CACNA2D3: variants seen among roughly 807,000 people sequenced by gnomAD.
CACNA2D3 encodes the protein voltage-dependent calcium channel subunit alpha-2/delta-3.
In CACNA2D3, 60 loss-of-function variants were observed where a neutral mutation model predicts 160.6. The observed-to-expected ratio is 0.37, with a 90% CI of 0.30 to 0.46. The LOEUF (loss-of-function observed/expected upper bound fraction) is 0.46. Ranked by LOEUF, CACNA2D3 falls within the 20% of genes least tolerant of loss-of-function variation. CACNA2D3 has a pLI of 1.00. For missense variants in CACNA2D3, 1,205 were observed against 1,365.0 expected, an observed-to-expected ratio of 0.88 and a Z score of 1.85; for synonymous variants, 558 against 492.9, an observed-to-expected ratio of 1.13 and a Z score of -1.75.
intron 3 of CACNA2D3, among the ~76,000 whole-genome samples, chr3:54,350,982 GTTTGT>G (rs1559457816): frequency 8.1e-5 from 5 of 61,814 alleles, no homozygotes; most frequent in African/African-American, 3.3e-4. Context: ...TTTTTTTTTT[GTTTGT>G]TTTTTTTTTT....
chr3:54,479,093 G>A (rs879659687), intron 4 of CACNA2D3, among the ~76,000 whole-genome samples: 8 of 151,804 alleles, frequency 5.3e-5, no homozygotes, highest in Non-Finnish European at 8.8e-5. Flanking sequence ...ATCATGGAGC[G>A]GTTACCTCCA....
chr3:54,355,973 A>G (rs1698642628), intron 3 of CACNA2D3, among the ~76,000 whole-genome samples: 1 of 152,140 alleles, frequency 6.6e-6, no homozygotes, highest in Admixed American at 6.5e-5. Flanking sequence ...CGGAACTGCT[A>G]AGTCCTTGGT....
rs538687063 is a variant in CACNA2D3 at position 54,460,021 on chromosome 3, T to G, written c.382-43471T>G. Among the ~76,000 whole-genome samples the G allele has an allele frequency of 6.4e-3, 968 of 152,212 alleles. 15 individuals carry two copies. The highest frequency in any genetic ancestry group is 0.022 in the African/African-American group (920 of 41,514). ...AGCCAGTTTTCCCAGCACCATTTAT[T>G]AAATAGGGAATCCTTTCCCCATTGC... On this transcript the variant is annotated intron_variant, in intron 4 of 37. Transcript: ENST00000474759.
At chr3:54,489,706 G>A (rs1030857700) in intron 4 of CACNA2D3, among the ~76,000 whole-genome samples, 1 of 152,190 alleles carries the variant, frequency 6.6e-6, no homozygotes, top group African/African-American at 2.4e-5. Flanking sequence ...AGTGGCCAGC[G>A]AGGCCTGCAG....
intron 3 of CACNA2D3, among the ~76,000 whole-genome samples, chr3:54,368,841 A>G (rs144457840): frequency 0.011 from 1,693 of 151,418 alleles, 26 homozygotes; most frequent in African/African-American, 0.039. Flanking sequence ...AGCTGGGACT[A>G]TAGGCGCTTG....
At chr3:54,438,786 G>A (rs1157469575) in intron 4 of CACNA2D3, among the ~76,000 whole-genome samples, 1 of 152,156 alleles carries the variant, frequency 6.6e-6, no homozygotes, top group Non-Finnish European at 1.5e-5. Context: ...CTAATAGATT[G>A]GTGATCATCT....
chr3:54,829,885 C>CTT (rs58291013), intron 14 of CACNA2D3, among the ~76,000 whole-genome samples: 12,481 of 64,254 alleles, frequency 0.19, 3,349 homozygotes, highest in Non-Finnish European at 0.26. Flanking sequence ...TCTTCTTCAT[C>CTT]TTTTTTTTTT....
At chr3:54,427,412 C>G (rs559490101) in intron 4 of CACNA2D3, among the ~76,000 whole-genome samples, 98 of 151,976 alleles carry the variant, frequency 6.4e-4, no homozygotes, top group Middle Eastern at 6.8e-3. Context: ...GTGTGCACTC[C>G]CAGTTAGGGA....
At chr3:54,926,503 A>G (rs959889753) in intron 27 of CACNA2D3, among the ~76,000 whole-genome samples, 4 of 81,892 alleles carry the variant, frequency 4.9e-5, no homozygotes, top group African/African-American at 1.3e-4. Flanking sequence ...CTGCCTGTCA[A>G]ATACACACAC....
rs190409979 is a variant in CACNA2D3, at chr3:54,382,219, A to G, written c.322-4496A>G. ...TTATTATTAAAAGTACACTGCCTTT[A>G]TAATAGGTATAATAGAGTAACAGTT... On this transcript the variant is annotated intron_variant, in intron 3 of 37. Transcript: ENST00000474759. Among the ~76,000 whole-genome samples the G allele has an allele frequency of 1.6e-3, 243 of 152,364 alleles. 1 individual carries two copies. The highest frequency in any genetic ancestry group is 5.8e-3 in the African/African-American group (242 of 41,594).
intron 2 of CACNA2D3, among the ~76,000 whole-genome samples, chr3:54,284,747 A>G (rs1272766297): frequency 6.6e-6 from 1 of 152,216 alleles, no homozygotes; most frequent in Non-Finnish European, 1.5e-5. Context: ...TCTTAAAATC[A>G]GGATCAGAGA....
At chr3:54,821,654 TTCTTTCTTTCTTTC>T (rs1315207095) in intron 14 of CACNA2D3, among the ~76,000 whole-genome samples, 4 of 63,136 alleles carry the variant, frequency 6.3e-5, no homozygotes, top group Non-Finnish European at 1.5e-4. Flanking sequence ...CTTTCTTTCT[TTCTTTCTTTCTTTC>T]TTTCTTTCTT....
chr3:54,475,523 G>A (rs1294209860), intron 4 of CACNA2D3, among the ~76,000 whole-genome samples: 4 of 152,110 alleles, frequency 2.6e-5, no homozygotes, highest in African/African-American at 2.4e-5. Context: ...AACATACTTG[G>A]GAGGTCTCAT....
In CACNA2D3 at chr3:54,763,748, C is replaced by CAT. The variant is rs1372464477; in HGVS notation, c.1247-462_1247-461dup. Among the ~76,000 whole-genome samples, 14 of 58,602 alleles carry CAT rather than the reference C, an allele frequency of 2.4e-4. 3 individuals are homozygous for CAT. The highest frequency in any genetic ancestry group is 4.8e-4 in the Non-Finnish European group (13 of 27,188). The allele number at this position is 58,602 out of a possible 152,430, so 38.4% of individuals were successfully genotyped here. On this transcript the variant is annotated intron_variant, in intron 12 of 37. Transcript: ENST00000474759. ...ATACATATATATGTGTATATATGTG[C>CAT]ATATATATACACATATATATGTATA...
At chr3:54,950,617 C>T (rs576841447) in intron 27 of CACNA2D3, among the ~76,000 whole-genome samples, 24 of 152,278 alleles carry the variant, frequency 1.6e-4, no homozygotes, top group Admixed American at 5.2e-4. Flanking sequence ...GAGAGTGGAC[C>T]TGCACAGCTC....
chr3:54,490,514 G>T (rs558817872), intron 4 of CACNA2D3, among the ~76,000 whole-genome samples: 1 of 152,296 alleles, frequency 6.6e-6, no homozygotes, highest in Admixed American at 6.5e-5. Context: ...CTTCCTAGCT[G>T]GAGGTAAAAC....
intron 13 of CACNA2D3, among the ~76,000 whole-genome samples, chr3:54,794,676 G>A (rs1174335122): frequency 6.6e-6 from 1 of 150,518 alleles, no homozygotes; most frequent in African/African-American, 2.4e-5. Flanking sequence ...ACTAGATACA[G>A]AATTCTAGTT....
chr3:54,129,597 AC>A (rs1288784461), intron 2 of CACNA2D3, among the ~76,000 whole-genome samples: 1 of 152,218 alleles, frequency 6.6e-6, no homozygotes, highest in Non-Finnish European at 1.5e-5. Flanking sequence ...CTGTTCCTTC[AC>A]TTTGTGCACT....
At chr3:54,581,711 T>C (rs1012064730) in intron 8 of CACNA2D3, 92 bp from the exon 9 acceptor site, 2 of 1,014,878 alleles carry the variant, frequency 2.0e-6, no homozygotes, top group Non-Finnish European at 3.0e-6. Flanking sequence ...ATTGTGCCGC[T>C]TTTTTGTTTG....
Sources: gnomAD v4.1 joint callset for allele counts (sites outside exome capture counted in the v4.1 genomes callset) on GRCh38, gnomAD v4.1.1 for gene constraint, MANE v1.5 for transcripts, NCBI Gene and HGNC (gene_info 2026-07-23, HGNC 2026-07-21) for gene names.